The following CSMD1 variants were observed in gnomAD, a reference collection of about 807,000 sequenced individuals.
CSMD1 encodes CUB and Sushi multiple domains 1, also known as CUB and sushi domain-containing protein 1.
CSMD1 carries 213 observed loss-of-function variants against 417.5 expected under a neutral mutation model. The ratio of observed to expected loss-of-function variants is 0.51; its 90% CI spans 0.46 to 0.57. The LOEUF (loss-of-function observed/expected upper bound fraction) is 0.57. Ranked by LOEUF, CSMD1 falls within the 20% of genes least tolerant of loss-of-function variation. CSMD1 has a pLI of 0.00. For synonymous variants in CSMD1, 2,862 were observed against 1,736.8 expected (o/e 1.65, Z -16.11); for missense variants, 6,923 against 4,529.7 (o/e 1.53, Z -15.17).
chr8:4,127,423 C>T (rs6991432), intron 3 of CSMD1, among the ~76,000 whole-genome samples: 12 of 140,900 alleles, frequency 8.5e-5, no homozygotes, highest in African/African-American at 3.2e-4. Context: ...ACCACCTTTT[C>T]TGAAAGGACA....
At chr8:3,444,623 G>A (rs561567835) in intron 12 of CSMD1, among the ~76,000 whole-genome samples, 65 of 152,186 alleles carry the variant, frequency 4.3e-4, no homozygotes, top group Middle Eastern at 3.4e-3. Context: ...TACAGTCACA[G>A]GACCGTCCCT....
intron 1 of CSMD1, among the ~76,000 whole-genome samples, chr8:4,744,479 T>C (rs1203652520): frequency 1.3e-5 from 2 of 152,196 alleles, no homozygotes; most frequent in Admixed American, 1.3e-4. Context: ...AAGTGAGGAA[T>C]TATATTTATT....
chr8:4,476,557 TA>T (rs760826982), intron 2 of CSMD1, among the ~76,000 whole-genome samples: 92 of 152,176 alleles, frequency 6.0e-4, no homozygotes, highest in Non-Finnish European at 1.1e-3. Context: ...AAAGGGATTT[TA>T]AAATAAAACA....
At chr8:3,094,491 G>A (rs1403721198) in intron 47 of CSMD1, among the ~76,000 whole-genome samples, 2 of 152,048 alleles carry the variant, frequency 1.3e-5, no homozygotes, top group Admixed American at 6.6e-5. Context: ...CTTTCTAGAA[G>A]GAATAGTCTT....
At chr8:4,875,898 A>G (rs1028095470) in intron 1 of CSMD1, among the ~76,000 whole-genome samples, 1 of 152,094 alleles carries the variant, frequency 6.6e-6, no homozygotes, top group Non-Finnish European at 1.5e-5. Context: ...ATATTTAATT[A>G]CTCAAAAGAG....
intron 1 of CSMD1, among the ~76,000 whole-genome samples, chr8:4,819,667 T>C (rs918639596): frequency 2.0e-5 from 3 of 152,190 alleles, no homozygotes; most frequent in Admixed American, 1.3e-4. Context: ...GTCACCCCTG[T>C]CTCAGTCTTT....
At chr8:4,605,867 A>C (rs1432095498) in intron 2 of CSMD1, among the ~76,000 whole-genome samples, 1 of 152,138 alleles carries the variant, frequency 6.6e-6, no homozygotes, top group Non-Finnish European at 1.5e-5. Context: ...AATTCCAGCC[A>C]AATGAGGCTG....
At chr8:4,867,810 T>C (rs1802505816) in intron 1 of CSMD1, among the ~76,000 whole-genome samples, 1 of 152,146 alleles carries the variant, frequency 6.6e-6, no homozygotes, top group South Asian at 2.1e-4. Context: ...ACATTCATTT[T>C]ACTACATGTG....
rs1798964717 is a variant in CSMD1 at position 4,061,369 on chromosome 8, A to C, written c.416-29270T>G. The stretch of plus-strand genomic sequence containing the variant: ...AAGAAAAGTAGAAGTAAAAATTAAA[A>C]AATGAAATGAAGTAAGTGCACAACA... On this transcript the variant is annotated intron_variant, in intron 3 of 69. Coordinates refer to ENST00000635120, the MANE Select transcript of CSMD1 (RefSeq NM_033225.6). Among the ~76,000 whole-genome samples, 4 of 152,244 alleles carry C rather than the reference A, an allele frequency of 2.6e-5. 1 individual carries two copies. The highest frequency in any genetic ancestry group is 2.6e-4 in the Admixed American group (4 of 15,288).
chr8:4,960,300 C>A (rs924915391), intron 1 of CSMD1, among the ~76,000 whole-genome samples: 2 of 152,082 alleles, frequency 1.3e-5, no homozygotes, highest in African/African-American at 4.8e-5. Context: ...TGCAACGCCC[C>A]TGATATATAG....
At chr8:3,458,709 C>G (rs77231730) in intron 12 of CSMD1, among the ~76,000 whole-genome samples, 2,491 of 152,260 alleles carry the variant, frequency 0.016, 57 homozygotes, top group African/African-American at 0.055. Flanking sequence ...GCTTCAAACA[C>G]TTAATTATTA....
chr8:4,409,176 G>A (rs1276539078), intron 3 of CSMD1, among the ~76,000 whole-genome samples: 1 of 152,122 alleles, frequency 6.6e-6, no homozygotes, highest in Non-Finnish European at 1.5e-5. Flanking sequence ...TCAAATGGGA[G>A]ATTTTTAAAA....
intron 3 of CSMD1, among the ~76,000 whole-genome samples, chr8:4,061,174 C>T (rs1181634178): frequency 6.6e-6 from 1 of 152,172 alleles, no homozygotes; most frequent in Non-Finnish European, 1.5e-5. Flanking sequence ...TGGAAAATCC[C>T]TCAGCTGCAG....
chr8:4,494,527 T>G (rs1405644313), intron 2 of CSMD1, among the ~76,000 whole-genome samples: 1 of 152,248 alleles, frequency 6.6e-6, no homozygotes, highest in African/African-American at 2.4e-5. Flanking sequence ...ATTGCTTCTA[T>G]CTAATAAACA....
chr8:3,981,396 A>G (rs952614232), intron 5 of CSMD1, among the ~76,000 whole-genome samples: 2 of 150,838 alleles, frequency 1.3e-5, no homozygotes, highest in East Asian at 2.0e-4. Flanking sequence ...GGTGCAGTGT[A>G]TACTGCTTAG....
chr8:4,162,028 T>A (rs1797203465), intron 3 of CSMD1, among the ~76,000 whole-genome samples: 1 of 152,198 alleles, frequency 6.6e-6, no homozygotes, highest in Non-Finnish European at 1.5e-5. Context: ...CCTTCGACTT[T>A]GCTAAACTAA....
At chr8:4,389,430 TAAACA>T (rs1334432351) in intron 3 of CSMD1, among the ~76,000 whole-genome samples, 2 of 152,096 alleles carry the variant, frequency 1.3e-5, no homozygotes, top group African/African-American at 4.8e-5. Context: ...AAATCTCACA[TAAACA>T]AAACAAAGAA....
At chr8:3,999,668 G>A (rs1161710931) in intron 4 of CSMD1, among the ~76,000 whole-genome samples, 3 of 152,092 alleles carry the variant, frequency 2.0e-5, no homozygotes, top group Non-Finnish European at 4.4e-5. Context: ...ATGCCAGGCT[G>A]GTCTACACAC....
At chr8:3,811,832 C>A (rs1199929103) in intron 5 of CSMD1, among the ~76,000 whole-genome samples, 1 of 152,122 alleles carries the variant, frequency 6.6e-6, no homozygotes, top group African/African-American at 2.4e-5. Context: ...GGGTGTTCAT[C>A]TCCATTAGCC....
Sources: allele counts gnomAD v4.1 joint callset (sites outside exome capture counted in the v4.1 genomes callset), GRCh38; gene constraint gnomAD v4.1.1; transcripts MANE v1.5; gene names NCBI Gene and HGNC (gene_info 2026-07-23, HGNC 2026-07-21).